The following CSMD1 variants were observed in gnomAD, a reference collection of about 807,000 sequenced individuals.
CSMD1 encodes the protein CUB and Sushi multiple domains 1, also known as CUB and sushi domain-containing protein 1.
In CSMD1, 213 loss-of-function variants were observed where a neutral mutation model predicts 417.5. That is an observed-to-expected ratio of 0.51 (90% CI 0.46 to 0.57). CSMD1 has a LOEUF of 0.57. CSMD1 is among the 20% of genes least tolerant of loss of function. The pLI, the probability that CSMD1 is intolerant of heterozygous loss-of-function variation, is 0.00. For synonymous variants in CSMD1, 2,862 were observed against 1,736.8 expected, an observed-to-expected ratio of 1.65 and a Z score of -16.11; for missense variants, 6,923 against 4,529.7, an observed-to-expected ratio of 1.53 and a Z score of -15.17.
intron 3 of CSMD1, among the ~76,000 whole-genome samples, chr8:4,167,391 T>C (rs1797515491): frequency 6.6e-6 from 1 of 152,204 alleles, no homozygotes; most frequent in African/African-American, 2.4e-5. Context: ...CTATGTTAAA[T>C]TTCATAGGCT....
At chr8:3,900,569 C>T (rs1807676765) in intron 5 of CSMD1, among the ~76,000 whole-genome samples, 1 of 150,396 alleles carries the variant, frequency 6.6e-6, no homozygotes, top group African/African-American at 2.4e-5. Context: ...ATGGGTGATA[C>T]TGTAGCTGGA....
At chr8:3,179,980 G>C (rs1326848826) in intron 37 of CSMD1, among the ~76,000 whole-genome samples, 1 of 152,080 alleles carries the variant, frequency 6.6e-6, no homozygotes, top group Non-Finnish European at 1.5e-5. Context: ...TGGCAATCTG[G>C]CCTTTCAAAA....
chr8:4,191,974 G>A (rs1799059151), intron 3 of CSMD1, among the ~76,000 whole-genome samples: 1 of 152,118 alleles, frequency 6.6e-6, no homozygotes, highest in Non-Finnish European at 1.5e-5. Context: ...ACCCGTAGAG[G>A]AACACGTCCC....
rs191046106 is a variant in CSMD1 at position 3,220,240 on chromosome 8, G to A, written c.4485-798C>T. On this transcript the variant is annotated intron_variant, in intron 28 of 69. Transcript: ENST00000635120. ...CAGAGTGTAACCTTTCTCACATCATGTTTCACCATCACTGAATATCCCAGT... is the reference window on the plus strand; with the variant it reads ...CAGAGTGTAACCTTTCTCACATCATATTTCACCATCACTGAATATCCCAGT... 1.6e-4 allele frequency among the ~76,000 whole-genome samples: 24 copies of A among 151,312 alleles called. No individual in the cohort carries two copies. The East Asian group carries it at 2.9e-3, about 18-fold the overall frequency.
chr8:3,948,136 C>T (rs1322872196), intron 5 of CSMD1, among the ~76,000 whole-genome samples: 1 of 152,118 alleles, frequency 6.6e-6, no homozygotes, highest in Non-Finnish European at 1.5e-5. Context: ...AACCGAGAGG[C>T]TTAGGTTGCA....
chr8:3,204,021 T>C (rs1797120712), intron 31 of CSMD1, among the ~76,000 whole-genome samples: 1 of 152,198 alleles, frequency 6.6e-6, no homozygotes, highest in South Asian at 2.1e-4. Flanking sequence ...GTGAGATTAA[T>C]TGTTTAGTTA....
chr8:3,232,282 T>C (rs1585730843), intron 26 of CSMD1, among the ~76,000 whole-genome samples: 2 of 152,220 alleles, frequency 1.3e-5, no homozygotes, highest in South Asian at 2.1e-4. Flanking sequence ...ACTGGAATTA[T>C]ATGTTGCAAG....
At chr8:3,522,742 G>A (rs560181935) in intron 10 of CSMD1, among the ~76,000 whole-genome samples, 2 of 151,758 alleles carry the variant, frequency 1.3e-5, no homozygotes, top group Non-Finnish European at 1.5e-5. Flanking sequence ...TGTGGCATTC[G>A]GGAACTACAA....
At chr8:4,212,620 C>T (rs556380576) in intron 3 of CSMD1, among the ~76,000 whole-genome samples, 4 of 152,134 alleles carry the variant, frequency 2.6e-5, no homozygotes, top group African/African-American at 7.2e-5. Context: ...AACAATGATC[C>T]TGTCTACTAC....
At chr8:3,683,078 G>A (rs1355214529) in intron 7 of CSMD1, among the ~76,000 whole-genome samples, 1 of 152,054 alleles carries the variant, frequency 6.6e-6, no homozygotes, top group African/African-American at 2.4e-5. Flanking sequence ...GATAGCATTA[G>A]GAGATATACC....
At chr8:4,365,995 T>C (rs1277613151) in intron 3 of CSMD1, among the ~76,000 whole-genome samples, 6 of 152,188 alleles carry the variant, frequency 3.9e-5, no homozygotes, top group Non-Finnish European at 8.8e-5. Context: ...CTGTGTGTTG[T>C]TGAGGCTTGA....
chr8:3,638,556 G>A (rs1797153324), intron 7 of CSMD1, among the ~76,000 whole-genome samples: 1 of 152,170 alleles, frequency 6.6e-6, no homozygotes, highest in African/African-American at 2.4e-5. Context: ...CAGAGGGGAT[G>A]CTTGTCCCTG....
chr8:3,013,174 A>G (rs1046791579), intron 52 of CSMD1, among the ~76,000 whole-genome samples: 4 of 152,306 alleles, frequency 2.6e-5, no homozygotes, highest in Non-Finnish European at 5.9e-5. Flanking sequence ...AAACCCATGA[A>G]TGGAAGTATG....
intron 11 of CSMD1, among the ~76,000 whole-genome samples, chr8:3,484,224 T>G (rs897556396): frequency 9.8e-5 from 15 of 152,332 alleles, no homozygotes; most frequent in Admixed American, 5.2e-4. Flanking sequence ...GTGGCATTGG[T>G]AGAAGACTAG....
At chr8:2,962,920 C>T (rs908746209) in intron 60 of CSMD1, among the ~76,000 whole-genome samples, 3 of 152,094 alleles carry the variant, frequency 2.0e-5, no homozygotes, top group African/African-American at 4.8e-5. Flanking sequence ...TGGTGGCACA[C>T]ACCTGTAGTC....
At chr8:3,762,251 T>C (rs914539061) in intron 5 of CSMD1, among the ~76,000 whole-genome samples, 3 of 152,062 alleles carry the variant, frequency 2.0e-5, no homozygotes, top group Non-Finnish European at 4.4e-5. Context: ...GCGCTGTCCC[T>C]TACCTGGAGA....
intron 54 of CSMD1, among the ~76,000 whole-genome samples, chr8:2,987,523 G>T (rs1418615641): frequency 1.3e-5 from 2 of 151,532 alleles, no homozygotes; most frequent in Non-Finnish European, 2.9e-5. Context: ...AAAAATCAAA[G>T]CTTATTCACT....
At chr8:4,338,976 C>A (rs73660754) in intron 3 of CSMD1, among the ~76,000 whole-genome samples, 3 of 152,010 alleles carry the variant, frequency 2.0e-5, no homozygotes, top group African/African-American at 7.2e-5. Flanking sequence ...AGTCAATGAT[C>A]AGAAAATGCT....
intron 23 of CSMD1, among the ~76,000 whole-genome samples, chr8:3,309,070 C>G (rs1274292422): frequency 1.3e-5 from 2 of 152,076 alleles, no homozygotes; most frequent in African/African-American, 4.8e-5. Context: ...TCTGTCAGTC[C>G]AAGCCTCCAG....
Sources: gnomAD v4.1 joint callset for allele counts (sites outside exome capture counted in the v4.1 genomes callset) on GRCh38, gnomAD v4.1.1 for gene constraint, MANE v1.5 for transcripts, NCBI Gene and HGNC (gene_info 2026-07-23, HGNC 2026-07-21) for gene names.